C6orf52: variants seen among roughly 807,000 people sequenced by gnomAD.
The protein encoded by C6orf52 is chromosome 6 open reading frame 52.
Under a neutral mutation model 16.6 loss-of-function variants are expected in C6orf52, and 16 were observed. The observed-to-expected ratio is 0.96, with a 90% confidence interval of 0.65 to 1.46. The LOEUF (loss-of-function observed/expected upper bound fraction) is 1.46. C6orf52 is among the 40% of genes most tolerant of loss of function. C6orf52 has a pLI of 0.00. For missense variants in C6orf52, 166 were observed against 182.3 expected, an observed-to-expected ratio of 0.91 and a Z score of 0.52; for synonymous variants, 53 against 61.4, an observed-to-expected ratio of 0.86 and a Z score of 0.64.
chr6:10,684,905 C>T, intron 3 of C6orf52: 2 of 1,288,000 alleles, frequency 1.6e-6, no homozygotes, highest in Middle Eastern at 2.1e-4. Flanking sequence ...GGATGGCAGG[C>T]AGATGGCACA....
chr6:10,675,602 C>G (rs985353522), intron 4 of C6orf52, among the ~76,000 whole-genome samples: 2 of 152,170 alleles, frequency 1.3e-5, no homozygotes. Context: ...GAGGAAACGC[C>G]ATACTTTTTA....
chr6:10,688,497 T>C (rs1323250691), intron 1 of C6orf52, among the ~76,000 whole-genome samples: 1 of 152,226 alleles, frequency 6.6e-6, no homozygotes, highest in East Asian at 1.9e-4. Context: ...GCAAACATGA[T>C]GAATTCAAAA....
intron 4 of C6orf52, among the ~76,000 whole-genome samples, chr6:10,672,291 C>T (rs1767502684): frequency 6.6e-6 from 1 of 152,118 alleles, no homozygotes; most frequent in Non-Finnish European, 1.5e-5. Context: ...GTAATTTTTG[C>T]AAGCCTTAGT....
At chr6:10,687,600 C>T (rs1244942246) in intron 1 of C6orf52, 39 bp from the exon 2 acceptor site, 6 of 1,291,652 alleles carry the variant, frequency 4.6e-6, no homozygotes, top group African/African-American at 1.5e-5. Context: ...TTTATTCCTG[C>T]GTCAAAAATC....
chr6:10,686,927 G>T, intron 3 of C6orf52, 39 bp downstream of exon 3: 3 of 1,384,628 alleles, frequency 2.2e-6, no homozygotes, highest in Non-Finnish European at 2.9e-6. Flanking sequence ...CTATTATTGG[G>T]CACACGAATG....
At chr6:10,681,295 A>G (rs2127465034) in intron 4 of C6orf52, among the ~76,000 whole-genome samples, 1 of 152,222 alleles carries the variant, frequency 6.6e-6, no homozygotes, top group South Asian at 2.1e-4. Flanking sequence ...TATTTCTGTG[A>G]TATCAGTTGT....
chr6:10,679,622 G>C (rs1317490315), intron 4 of C6orf52, among the ~76,000 whole-genome samples: 2 of 150,478 alleles, frequency 1.3e-5, no homozygotes, highest in Non-Finnish European at 2.9e-5. Flanking sequence ...ATAATAAAGT[G>C]AAGTGCAATA....
intron 4 of C6orf52, chr6:10,672,486 G>T: frequency 1.5e-6 from 1 of 664,710 alleles, no homozygotes; most frequent in Non-Finnish European, 2.7e-6. Context: ...GTTGGGTGCT[G>T]GTCTGACAGA....
intron 3 of C6orf52, among the ~76,000 whole-genome samples, chr6:10,686,429 T>C (rs370362840): frequency 6.6e-6 from 1 of 151,976 alleles, no homozygotes; most frequent in Admixed American, 6.6e-5. Context: ...GGGGTGTGTG[T>C]GGGGGGGAAC....
intron 2 of C6orf52, 29 bp from the exon 3 acceptor site, chr6:10,687,193 C>T (rs939990922): frequency 6.8e-6 from 10 of 1,470,760 alleles, no homozygotes; most frequent in African/African-American, 1.4e-5. Flanking sequence ...TCACAACCAA[C>T]GCAGAATCAT....
chr6:10,677,788 C>T (rs1190772492), intron 4 of C6orf52, among the ~76,000 whole-genome samples: 1 of 151,796 alleles, frequency 6.6e-6, no homozygotes, highest in African/African-American at 2.4e-5. Context: ...CCCACCTGAG[C>T]CTCCCAAAGT....
intron 4 of C6orf52, among the ~76,000 whole-genome samples, chr6:10,681,290 CTGTGA>C (rs1768369791): frequency 6.6e-6 from 1 of 152,062 alleles, no homozygotes; most frequent in Non-Finnish European, 1.5e-5. Context: ...CTTTGTATTT[CTGTGA>C]TATCAGTTGT....
intron 4 of C6orf52, among the ~76,000 whole-genome samples, chr6:10,675,643 A>G (rs2127460656): frequency 6.6e-6 from 1 of 152,250 alleles, no homozygotes; most frequent in Non-Finnish European, 1.5e-5. Flanking sequence ...ATTCCCACCA[A>G]CAGTATGCAA....
At chr6:10,676,106 G>A (rs934809915) in intron 4 of C6orf52, among the ~76,000 whole-genome samples, 4 of 152,148 alleles carry the variant, frequency 2.6e-5, no homozygotes, top group African/African-American at 9.7e-5. Flanking sequence ...TTCCAGCCTA[G>A]ACAACAGAGT....
chr6:10,693,167 T>C (rs950839304), intron 1 of C6orf52, among the ~76,000 whole-genome samples: 1 of 152,190 alleles, frequency 6.6e-6, no homozygotes, highest in Non-Finnish European at 1.5e-5. Flanking sequence ...GGTATCAGTT[T>C]AAGATTATGA....
At chr6:10,681,929 AT>A (rs1768435287) in intron 4 of C6orf52, among the ~76,000 whole-genome samples, 1 of 152,204 alleles carries the variant, frequency 6.6e-6, no homozygotes, top group African/African-American at 2.4e-5. Flanking sequence ...CACATGTGCA[AT>A]AAGGGAAATA....
chr6:10,679,580 A>AG (rs1768193596), intron 4 of C6orf52, among the ~76,000 whole-genome samples: 1 of 145,162 alleles, frequency 6.9e-6, no homozygotes, highest in Non-Finnish European at 1.5e-5. Context: ...AAAAAAAAAA[A>AG]CAAAAAACAA....
intron 4 of C6orf52, among the ~76,000 whole-genome samples, chr6:10,676,313 C>T (rs1767877479): frequency 6.6e-6 from 1 of 152,114 alleles, no homozygotes; most frequent in Admixed American, 6.5e-5. Flanking sequence ...CTTATTGATA[C>T]AGGAGTTAAA....
intron 1 of C6orf52, among the ~76,000 whole-genome samples, chr6:10,688,212 A>T (rs190984031): frequency 0.043 from 6,552 of 151,448 alleles, 439 homozygotes; most frequent in African/African-American, 0.14. Flanking sequence ...TTTTTTTTTA[A>T]AAAAAGCATA....
Sources: gnomAD v4.1 joint callset for allele counts (sites outside exome capture counted in the v4.1 genomes callset) on GRCh38, gnomAD v4.1.1 for gene constraint, MANE v1.5 for transcripts, NCBI Gene and HGNC (gene_info 2026-07-23, HGNC 2026-07-21) for gene names.